The following SPRYD7 variants were observed in gnomAD, a reference collection of about 807,000 sequenced individuals.
SPRYD7 encodes the protein SPRY domain containing 7.
SPRYD7 carries 14 observed loss-of-function variants against 23.8 expected under a neutral mutation model. That is an observed-to-expected ratio of 0.59 (90% confidence interval 0.39 to 0.92). SPRYD7 has a LOEUF of 0.92. Ranked by LOEUF, SPRYD7 falls within the 40% of genes least tolerant of loss-of-function variation. The pLI, the probability that SPRYD7 is intolerant of heterozygous loss-of-function variation, is 0.00. For missense variants in SPRYD7, 194 were observed against 241.7 expected (o/e 0.80, Z 1.31); for synonymous variants, 75 against 84.9 (o/e 0.88, Z 0.64).
chr13:49,928,582 A>C (rs1235543714), intron 2 of SPRYD7, among the ~76,000 whole-genome samples: 1 of 152,234 alleles, frequency 6.6e-6, no homozygotes, highest in East Asian at 1.9e-4. Flanking sequence ...CATCTTGCGC[A>C]AATTACCTAA....
At chr13:49,934,491 G>T (rs541714109) in intron 1 of SPRYD7, among the ~76,000 whole-genome samples, 31 of 144,716 alleles carry the variant, frequency 2.1e-4, no homozygotes, top group African/African-American at 7.5e-4. Context: ...GGAGGCGGAG[G>T]TTGCAGTGAG....
chr13:49,923,279 T>A (rs1334190316), intron 3 of SPRYD7, among the ~76,000 whole-genome samples: 3 of 152,098 alleles, frequency 2.0e-5, no homozygotes, highest in Admixed American at 6.6e-5. Context: ...AGTCTCGTTC[T>A]GTCACCCAGG....
intron 1 of SPRYD7, among the ~76,000 whole-genome samples, chr13:49,934,781 A>C (rs1044582066): frequency 5.3e-5 from 8 of 152,128 alleles, no homozygotes; most frequent in African/African-American, 1.9e-4. Flanking sequence ...GTAATTCAAG[A>C]GTCTAACAGT....
chr13:49,917,262 C>T (rs1955763229), intron 4 of SPRYD7, among the ~76,000 whole-genome samples: 1 of 152,160 alleles, frequency 6.6e-6, no homozygotes, highest in South Asian at 2.1e-4. Flanking sequence ...CGCCACCACA[C>T]CCAGCTAATT....
intron 3 of SPRYD7, 98 bp from the exon 4 acceptor site, chr13:49,921,678 A>G: frequency 1.4e-6 from 1 of 704,868 alleles, no homozygotes; most frequent in Non-Finnish European, 2.5e-6. Context: ...ATAGGCTGAC[A>G]ACAATTTTCA....
At chr13:49,932,321 G>A (rs1048922706) in intron 1 of SPRYD7, among the ~76,000 whole-genome samples, 3 of 152,162 alleles carry the variant, frequency 2.0e-5, no homozygotes, top group Non-Finnish European at 4.4e-5. Flanking sequence ...TATTAAGATA[G>A]CTACTTCAAT....
chr13:49,927,827 C>G (rs1566405991), intron 3 of SPRYD7, 92 bp downstream of exon 3: 1 of 1,413,012 alleles, frequency 7.1e-7, no homozygotes, highest in Non-Finnish European at 9.7e-7. Flanking sequence ...CTTTGGAATT[C>G]AAACCACAAA....
Position 49,929,915 on chromosome 13 carries a change from G to A in SPRYD7, c.223+1103C>T, listed in dbSNP as rs367817758. On this transcript the variant is annotated intron_variant, in intron 2 of 4. Transcript: ENST00000361840. ...GGCAATTCTCCTGCCTTAGCCTCCCGAGTAACTGGGACTACAGGTGCCCAC... is the reference window on the plus strand; with the variant it reads ...GGCAATTCTCCTGCCTTAGCCTCCCAAGTAACTGGGACTACAGGTGCCCAC... Among the ~76,000 whole-genome samples the A allele has an allele frequency of 1.1e-4, 17 of 151,988 alleles. No homozygotes were observed. The East Asian group carries it at 1.5e-3, about 14-fold the overall frequency.
intron 4 of SPRYD7, 73 bp downstream of exon 4, chr13:49,921,405 T>C: frequency 1.0e-6 from 1 of 979,852 alleles, no homozygotes; most frequent in East Asian, 2.4e-5. Flanking sequence ...TATAGCAGCA[T>C]GAAAACAGAC....
At chr13:49,930,124 C>G (rs1172244233) in intron 2 of SPRYD7, among the ~76,000 whole-genome samples, 2 of 151,994 alleles carry the variant, frequency 1.3e-5, no homozygotes, top group Non-Finnish European at 2.9e-5. Flanking sequence ...AAAAGTTTTC[C>G]CATATACAAT....
rs1161560473 is a variant in SPRYD7 at position 49,913,548 on chromosome 13, A to T, written c.*1515T>A. ...TTTATTTTAATTTTTTTTGAGACAG[A>T]GTCTCACTCTGTTGCCTAGGCTGGA... On this transcript the variant is annotated 3_prime_UTR_variant, in exon 5 of 5. Coordinates refer to ENST00000361840, the MANE Select transcript of SPRYD7 (RefSeq NM_020456.4). 1 of 151,766 alleles carries T rather than the reference A, an allele frequency of 6.6e-6. No homozygotes were observed. The highest frequency in any genetic ancestry group is 2.4e-5 in the African/African-American group (1 of 41,306). 9.4% of individuals were successfully genotyped at this position (151,766 alleles called of 1,614,324 possible).
chr13:49,915,718 GT>G (rs1194745857), intron 4 of SPRYD7, among the ~76,000 whole-genome samples: 1 of 152,014 alleles, frequency 6.6e-6, no homozygotes, highest in Non-Finnish European at 1.5e-5. Context: ...AGAAATGAAT[GT>G]GTATATCCAA....
chr13:49,928,411 C>T (rs1457058986), intron 2 of SPRYD7, among the ~76,000 whole-genome samples: 4 of 152,100 alleles, frequency 2.6e-5, no homozygotes, highest in African/African-American at 9.7e-5. Flanking sequence ...CACTGCACTC[C>T]AGCCTGAGCG....
chr13:49,917,658 C>T (rs1955767997), intron 4 of SPRYD7, among the ~76,000 whole-genome samples: 1 of 152,192 alleles, frequency 6.6e-6, no homozygotes, highest in Admixed American at 6.6e-5. Context: ...TAGTACATTA[C>T]AAATAATGCT....
chr13:49,921,352 A>C, intron 4 of SPRYD7, 126 bp downstream of exon 4: 1 of 621,934 alleles, frequency 1.6e-6, no homozygotes, highest in Non-Finnish European at 2.8e-6. Context: ...TGAGTCAATT[A>C]AACCTCTTTC....
chr13:49,923,534 G>A (rs1331744890), intron 3 of SPRYD7, among the ~76,000 whole-genome samples: 2 of 152,192 alleles, frequency 1.3e-5, no homozygotes, highest in South Asian at 2.1e-4. Flanking sequence ...GTTGGCCACC[G>A]CGCCCAGCCT....
chr13:49,932,824 C>T (rs1871443160), intron 1 of SPRYD7, among the ~76,000 whole-genome samples: 1 of 152,140 alleles, frequency 6.6e-6, no homozygotes, highest in South Asian at 2.1e-4. Flanking sequence ...TTAAACAAGG[C>T]AAAACTGAGA....
chr13:49,927,968 TCTTCA>T lies in SPRYD7; in HGVS notation c.336_340del (p.Asn112LysfsTer4). The T allele has an allele frequency of 6.2e-7, 1 of 1,614,228 alleles. No individual in the cohort carries two copies. The highest frequency in any genetic ancestry group is 8.5e-7 in the Non-Finnish European group (1 of 1,180,038). On this transcript the variant is annotated frameshift_variant, in exon 3 of 5. Transcript: ENST00000361840. LOFTEE classifies it high-confidence loss of function. ...ACTGTTTGCTGGCAGCCTATTTTTCTCTTCATTGTTGTGGTAAAGGGCTCCATCAT... is the reference window on the plus strand; with the variant it reads ...ACTGTTTGCTGGCAGCCTATTTTTCTTTGTTGTGGTAAAGGGCTCCATCAT...
intron 3 of SPRYD7, among the ~76,000 whole-genome samples, chr13:49,922,203 C>A (rs1566403266): frequency 6.6e-6 from 1 of 151,244 alleles, no homozygotes; most frequent in Non-Finnish European, 1.5e-5. Flanking sequence ...ATTTAAAAAA[C>A]AATGTAATAA....
Sources: gnomAD v4.1 joint callset for allele counts (sites outside exome capture counted in the v4.1 genomes callset) on GRCh38, gnomAD v4.1.1 for gene constraint, MANE v1.5 for transcripts, NCBI Gene and HGNC (gene_info 2026-07-23, HGNC 2026-07-21) for gene names.